EYA4: variants seen among roughly 807,000 people sequenced by gnomAD.
The protein encoded by EYA4 is protein phosphatase EYA4.
EYA4 carries 31 observed loss-of-function variants against 87.9 expected under a neutral mutation model. That is an observed-to-expected ratio of 0.35 (90% CI 0.27 to 0.48). The LOEUF (loss-of-function observed/expected upper bound fraction) is 0.48. Among genes scored for constraint, EYA4 ranks in the 20% least tolerant of loss-of-function variants. The probability of loss-of-function intolerance (pLI) is 0.99; values close to 1 mark genes in which losing one functional copy is unlikely to be tolerated. For missense variants in EYA4, 678 were observed against 761.4 expected, an observed-to-expected ratio of 0.89 and a Z score of 1.29; for synonymous variants, 263 against 270.6, an observed-to-expected ratio of 0.97 and a Z score of 0.28.
At chr6:133,252,989 A>ACT (rs1397264688) in intron 1 of EYA4, among the ~76,000 whole-genome samples, 124 of 120,178 alleles carry the variant, frequency 1.0e-3, no homozygotes, top group African/African-American at 3.4e-3. Flanking sequence ...ACACACACAC[A>ACT]CTCACTCTCT....
At chr6:133,404,981 A>G (rs539386712) in intron 3 of EYA4, among the ~76,000 whole-genome samples, 1 of 152,280 alleles carries the variant, frequency 6.6e-6, no homozygotes, top group South Asian at 2.1e-4. Flanking sequence ...GCCTTCAGAC[A>G]TGCTATTCTC....
intron 1 of EYA4, among the ~76,000 whole-genome samples, chr6:133,265,030 C>T (rs527899654): frequency 2.6e-4 from 40 of 152,216 alleles, no homozygotes; most frequent in South Asian, 4.2e-4. Flanking sequence ...ACCTGGACGG[C>T]GCCATGGTGC....
chr6:133,402,463 A>G (rs1244883887), intron 3 of EYA4, among the ~76,000 whole-genome samples: 1 of 152,228 alleles, frequency 6.6e-6, no homozygotes, highest in Non-Finnish European at 1.5e-5. Context: ...AAAATGGAAC[A>G]TTCATAAAAT....
chr6:133,243,293 C>T (rs1774125985), intron 1 of EYA4, among the ~76,000 whole-genome samples: 2 of 152,202 alleles, frequency 1.3e-5, no homozygotes, highest in Admixed American at 6.5e-5. Context: ...TTTTCTTTCT[C>T]CCTTACCCCT....
At chr6:133,254,402 C>T (rs1047577969) in intron 1 of EYA4, among the ~76,000 whole-genome samples, 5 of 152,092 alleles carry the variant, frequency 3.3e-5, no homozygotes, top group South Asian at 2.1e-4. Flanking sequence ...TAAAAATATA[C>T]GTGGCCTTTT....
chr6:133,313,370 T>C (rs1373464699), intron 2 of EYA4, among the ~76,000 whole-genome samples: 1 of 152,190 alleles, frequency 6.6e-6, no homozygotes, highest in African/African-American at 2.4e-5. Flanking sequence ...GAGGTGGAGA[T>C]TGAGTATCTA....
chr6:133,249,314 C>T (rs749466805), intron 1 of EYA4, among the ~76,000 whole-genome samples: 4 of 152,174 alleles, frequency 2.6e-5, no homozygotes, highest in Non-Finnish European at 5.9e-5. Context: ...TTAATGTTGT[C>T]ATAACAAATA....
At chr6:133,263,258 G>T (rs575458243) in intron 1 of EYA4, among the ~76,000 whole-genome samples, 5 of 152,302 alleles carry the variant, frequency 3.3e-5, no homozygotes, top group African/African-American at 9.6e-5. Flanking sequence ...ATAATTGAAG[G>T]CCGTGAAGAT....
chr6:133,412,362 A>G (rs921294256), intron 3 of EYA4, among the ~76,000 whole-genome samples: 1 of 152,196 alleles, frequency 6.6e-6, no homozygotes, highest in Non-Finnish European at 1.5e-5. Flanking sequence ...GGATACACCC[A>G]TGTAATCCGT....
chr6:133,488,631 A>G (rs1454569081), intron 13 of EYA4, among the ~76,000 whole-genome samples: 1 of 149,528 alleles, frequency 6.7e-6, no homozygotes, highest in African/African-American at 2.4e-5. Flanking sequence ...ATTCTTTGAG[A>G]TCTTATCCAA....
chr6:133,443,698 C>T (rs1792529296), intron 3 of EYA4, among the ~76,000 whole-genome samples: 1 of 152,048 alleles, frequency 6.6e-6, no homozygotes, highest in Non-Finnish European at 1.5e-5. Flanking sequence ...TTACATACCA[C>T]AGTTTGATTT....
chr6:133,291,507 T>A (rs1778486892), intron 2 of EYA4, among the ~76,000 whole-genome samples: 1 of 152,216 alleles, frequency 6.6e-6, no homozygotes, highest in Non-Finnish European at 1.5e-5. Flanking sequence ...ATTGCTTAAC[T>A]ACATATATAG....
At chr6:133,245,084 T>A (rs780904156) in intron 1 of EYA4, 19 of 152,102 alleles carry the variant, frequency 1.2e-4, no homozygotes, top group Non-Finnish European at 2.4e-4. Flanking sequence ...CTCATTATCA[T>A]TTTTTTCTGT....
At chr6:133,329,537 A>C (rs1582974521) in intron 2 of EYA4, among the ~76,000 whole-genome samples, 1 of 152,100 alleles carries the variant, frequency 6.6e-6, no homozygotes, top group African/African-American at 2.4e-5. Flanking sequence ...CACAAGCCTC[A>C]GTTAATACAA....
intron 3 of EYA4, among the ~76,000 whole-genome samples, chr6:133,426,979 T>G (rs573506293): frequency 6.6e-6 from 1 of 151,742 alleles, no homozygotes; most frequent in Non-Finnish European, 1.5e-5. Context: ...GAATCTATAT[T>G]TTCCCCCCTA....
chr6:133,351,894 A>G (rs1280655648), intron 2 of EYA4, among the ~76,000 whole-genome samples: 2 of 152,058 alleles, frequency 1.3e-5, no homozygotes, highest in Admixed American at 6.6e-5. Context: ...AAATTTGTTC[A>G]CCTATACCTT....
chr6:133,476,889 C>T (rs575641990), intron 11 of EYA4, among the ~76,000 whole-genome samples: 2 of 152,034 alleles, frequency 1.3e-5, no homozygotes, highest in South Asian at 4.1e-4. Flanking sequence ...TTGTAATCCC[C>T]CTAATGCCCA....
chr6:133,251,500 C>T (rs187494654), intron 1 of EYA4, among the ~76,000 whole-genome samples: 148 of 152,266 alleles, frequency 9.7e-4, no homozygotes, highest in Non-Finnish European at 1.6e-3. Context: ...TATTAATTGT[C>T]AAGGTCTCAT....
At chr6:133,280,452 G>A (rs1223748660) in intron 2 of EYA4, among the ~76,000 whole-genome samples, 8 of 151,390 alleles carry the variant, frequency 5.3e-5, no homozygotes, top group Admixed American at 4.6e-4. Flanking sequence ...TGTTGAGTAC[G>A]GTGGTACAAT....
Sources: gnomAD v4.1 joint callset for allele counts (sites outside exome capture counted in the v4.1 genomes callset) on GRCh38, gnomAD v4.1.1 for gene constraint, MANE v1.5 for transcripts, NCBI Gene and HGNC (gene_info 2026-07-23, HGNC 2026-07-21) for gene names.